The following TOP1 variants were observed in gnomAD, a reference collection of about 807,000 sequenced individuals.
TOP1 encodes DNA topoisomerase 1.
In TOP1, 10 loss-of-function variants were observed where a neutral mutation model predicts 111.1. That is an observed-to-expected ratio of 0.09 (90% confidence interval 0.06 to 0.15). The LOEUF (loss-of-function observed/expected upper bound fraction) is 0.15. TOP1 is among the 10% of genes least tolerant of loss of function. The pLI is 1.00. For missense variants in TOP1, 474 were observed against 926.7 expected (o/e 0.51, Z 6.34); for synonymous variants, 271 against 302.9 (o/e 0.89, Z 1.10).
At chr20:41,074,696 T>C (rs1346573721) in intron 3 of TOP1, among the ~76,000 whole-genome samples, 2 of 152,216 alleles carry the variant, frequency 1.3e-5, no homozygotes, top group Non-Finnish European at 2.9e-5. Context: ...CATGCCATCA[T>C]TTGTTTCTCC....
At chr20:41,072,276 A>G (rs573097825) in intron 3 of TOP1, 2 of 984,650 alleles carry the variant, frequency 2.0e-6, no homozygotes, top group African/African-American at 1.8e-5. Context: ...TAGCAGGATC[A>G]GTATGAAGAT....
Position 41,122,762 on chromosome 20 carries a change from C to G in TOP1, c.2196-433C>G, listed in dbSNP as rs1040947240. ...CCCCTATGGCACTTGCTAGTCCGGG[C>G]TAAAGTTTCCATCTAGGTCTTTTGT... On this transcript the variant is annotated intron_variant, in intron 20 of 20. Transcript: ENST00000361337. The surrounding 1 kb of genome is among the most constrained non-coding windows in gnomAD (Gnocchi z 5.4). 6.6e-6 allele frequency among the ~76,000 whole-genome samples: 1 copy of G among 152,202 alleles called. No individual in the cohort carries two copies. Among genetic ancestry groups the G allele is most frequent in the Non-Finnish European group, 1.5e-5 (1 of 68,028 alleles).
intron 2 of TOP1, among the ~76,000 whole-genome samples, chr20:41,045,402 T>C (rs1027079784): frequency 6.6e-6 from 1 of 152,166 alleles, no homozygotes; most frequent in African/African-American, 2.4e-5. Flanking sequence ...CTAAGAGGAC[T>C]TACAACTGGT....
intron 2 of TOP1, among the ~76,000 whole-genome samples, chr20:41,060,326 G>T (rs973365684): frequency 1.3e-5 from 2 of 152,154 alleles, no homozygotes; most frequent in Non-Finnish European, 1.5e-5. Context: ...CAATAAAATG[G>T]AACCAACAAC....
In TOP1 at chr20:41,061,758, A is replaced by G. The variant is rs2145927180; in HGVS notation, c.155+268A>G. ...AATACAGTTGTTCACTAAGATAGGT[A>G]AGGATTCATTGTGACACATGATGGC... On this transcript the variant is annotated intron_variant, in intron 3 of 20. Coordinates refer to ENST00000361337, the MANE Select transcript of TOP1 (RefSeq NM_003286.4). The surrounding 1 kb of genome is among the most constrained non-coding windows in gnomAD (Gnocchi z 4.6). Among the ~76,000 whole-genome samples, 1 of 152,188 alleles carries G rather than the reference A, an allele frequency of 6.6e-6. No homozygotes were observed. The highest frequency in any genetic ancestry group is 1.9e-4 in the East Asian group (1 of 5,200).
In TOP1 at chr20:41,121,851, G is replaced by C; in HGVS notation, c.2045+61G>C. ...GAGAAAAGTGTGCAGCATCTGTCAG[G>C]GCCCCTGGGGCCCTGGCTTTTCGAT... On this transcript the variant is annotated intron_variant, in intron 19 of 20. Transcript: ENST00000361337. The surrounding 1 kb of genome is among the most constrained non-coding windows in gnomAD (Gnocchi z 4.2). 6.4e-7 allele frequency: 1 copy of C among 1,561,990 alleles called. No individual in the cohort carries two copies. The highest frequency in any genetic ancestry group is 8.8e-7 in the Non-Finnish European group (1 of 1,138,844).
rs202064792 is a variant in TOP1, at chr20:41,112,958, G to A, written c.1452+33G>A. The A allele has an allele frequency of 1.9e-6, 3 of 1,604,278 alleles. No homozygotes were observed. Among genetic ancestry groups the A allele is most frequent in the Non-Finnish European group, 2.6e-6 (3 of 1,174,352 alleles). On this transcript the variant is annotated intron_variant, in intron 14 of 20. Coordinates refer to ENST00000361337, the MANE Select transcript of TOP1 (RefSeq NM_003286.4). This position sits in a 1 kb window ranked among gnomAD's most constrained non-coding sequence, Gnocchi z 5.8. ...CATCTTCCCATCGGCATTGTCTAGT[G>A]TTGAGCTTAACAAAGGGAGTTTCTG...
chr20:41,065,775 C>T (rs1417125901), intron 3 of TOP1, among the ~76,000 whole-genome samples: 1 of 151,912 alleles, frequency 6.6e-6, no homozygotes, highest in Non-Finnish European at 1.5e-5. Flanking sequence ...CCATTGTATG[C>T]CTGTAATCAC....
chr20:41,074,062 C>A (rs2033697461), intron 3 of TOP1, among the ~76,000 whole-genome samples: 1 of 152,148 alleles, frequency 6.6e-6, no homozygotes, highest in African/African-American at 2.4e-5. Flanking sequence ...CCTGTGATTA[C>A]CTATACATTA....
In TOP1 at chr20:41,116,252, TAA is replaced by T; in HGVS notation, c.1708-24_1708-23del. On this transcript the variant is annotated intron_variant, in intron 16 of 20. Transcript: ENST00000361337. This position sits in a 1 kb window ranked among gnomAD's most constrained non-coding sequence, Gnocchi z 5.6. ...AGGAGCAGGTAGTATAGCTTTGACC[TAA>T]ATCTGTTGCTTTGTCTCCTCCAGAC... 6.5e-7 allele frequency: 1 copy of T among 1,545,266 alleles called. No individual in the cohort carries two copies. Among genetic ancestry groups the T allele is most frequent in the Non-Finnish European group, 8.9e-7 (1 of 1,119,266 alleles).
In TOP1 at chr20:41,034,578, A is replaced by G. The variant is rs1281139048; in HGVS notation, c.58+5123A>G. 6.6e-6 allele frequency among the ~76,000 whole-genome samples: 1 copy of G among 152,138 alleles called. No homozygotes were observed. The highest frequency in any genetic ancestry group is 1.5e-5 in the Non-Finnish European group (1 of 68,018). Reference sequence around the variant, plus strand: ...GGAATGTCTGTTAGATATTGATGGTATTTTGGTGGCGTTATGAGAAATGGC... The same window carrying G: ...GGAATGTCTGTTAGATATTGATGGTGTTTTGGTGGCGTTATGAGAAATGGC... On this transcript the variant is annotated intron_variant, in intron 2 of 20. Coordinates refer to ENST00000361337, the MANE Select transcript of TOP1 (RefSeq NM_003286.4). This position sits in a 1 kb window ranked among gnomAD's most constrained non-coding sequence, Gnocchi z 4.0.
At position 41,067,904 on chromosome 20, in the gene TOP1, G is replaced by T. The variant is rs1339080625; in HGVS notation, c.155+6414G>T. 6.6e-6 allele frequency among the ~76,000 whole-genome samples: 1 copy of T among 152,206 alleles called. No homozygotes were observed. Among genetic ancestry groups the T allele is most frequent in the African/African-American group, 2.4e-5 (1 of 41,458 alleles). The stretch of plus-strand genomic sequence containing the variant: ...TCCTCATGCAAGGTGCAAAACAAGG[G>T]AGTAGGTATTAAGAATCATTTCATC... On this transcript the variant is annotated intron_variant, in intron 3 of 20. Coordinates refer to ENST00000361337, the MANE Select transcript of TOP1 (RefSeq NM_003286.4). The surrounding 1 kb of genome is among the most constrained non-coding windows in gnomAD (Gnocchi z 4.0).
In TOP1 at chr20:41,118,071, G is replaced by A. The variant is rs2145970134; in HGVS notation, c.1823-98G>A. ...AATCATCTGAGTAAGATAAGAGCCA[G>A]CAAAATCATGGGGACGAGGCACTGG... On this transcript the variant is annotated intron_variant, in intron 17 of 20. Coordinates refer to ENST00000361337, the MANE Select transcript of TOP1 (RefSeq NM_003286.4). This position sits in a 1 kb window ranked among gnomAD's most constrained non-coding sequence, Gnocchi z 4.6. 2.2e-6 allele frequency: 3 copies of A among 1,368,928 alleles called. No individual in the cohort carries two copies. The highest frequency in any genetic ancestry group is 2.0e-6 in the Non-Finnish European group (2 of 1,014,548). 84.8% of individuals were successfully genotyped at this position (1,368,928 alleles called of 1,614,324 possible). A position where few individuals can be genotyped will look rare whatever the true frequency, so the allele number is the denominator to read the frequency against.
rs6093442 is a variant in TOP1, at chr20:41,110,231, G to C, written c.1309-2551G>C. ...ACCTGAGGGGTAGAGGTTGCACTGAGCCGAGATTGCATCACTGTACTCCAG... is the reference window on the plus strand; with the variant it reads ...ACCTGAGGGGTAGAGGTTGCACTGACCCGAGATTGCATCACTGTACTCCAG... On this transcript the variant is annotated intron_variant, in intron 13 of 20. Transcript: ENST00000361337. The surrounding 1 kb of genome is among the most constrained non-coding windows in gnomAD (Gnocchi z 4.2). Among the ~76,000 whole-genome samples, 3,137 of 152,264 alleles carry C rather than the reference G, an allele frequency of 0.021. 100 individuals carry two copies. The highest frequency in any genetic ancestry group is 0.071 in the African/African-American group (2,938 of 41,530).
chr20:41,101,962 A>G lies in TOP1; in HGVS notation c.1308+609A>G, dbSNP rs1053131845. ...CAAGGAGATAACTGCCTTGGGGGAAATCAGTTTTTGTTTGCCAGATAGCTA... is the reference window on the plus strand; with the variant it reads ...CAAGGAGATAACTGCCTTGGGGGAAGTCAGTTTTTGTTTGCCAGATAGCTA... On this transcript the variant is annotated intron_variant, in intron 13 of 20. Transcript: ENST00000361337. The surrounding 1 kb of genome is among the most constrained non-coding windows in gnomAD (Gnocchi z 4.1). Among the ~76,000 whole-genome samples, 2 of 152,218 alleles carry G rather than the reference A, an allele frequency of 1.3e-5. No homozygotes were observed. Among genetic ancestry groups the G allele is most frequent in the Admixed American group, 6.5e-5 (1 of 15,286 alleles).
At position 41,100,263 on chromosome 20, in the gene TOP1, T is replaced by A; in HGVS notation, c.1163+20T>A. 1 of 1,598,602 alleles carries A rather than the reference T, an allele frequency of 6.3e-7. No homozygotes were observed. The highest frequency in any genetic ancestry group is 8.5e-7 in the Non-Finnish European group (1 of 1,171,278). On this transcript the variant is annotated intron_variant, in intron 12 of 20. Transcript: ENST00000361337. The surrounding 1 kb of genome is among the most constrained non-coding windows in gnomAD (Gnocchi z 4.4). ...TAGCAAGTGAGCTCGCACTTCATCC[T>A]ATGGGCCAAAAAGGGGGTGGAGGGC...
chr20:41,042,861 T>C (rs189975309), intron 2 of TOP1, among the ~76,000 whole-genome samples: 1 of 152,332 alleles, frequency 6.6e-6, no homozygotes, highest in East Asian at 1.9e-4. Context: ...AAAGGAAATA[T>C]TAAGAAAATT....
chr20:41,043,248 C>G (rs960333856), intron 2 of TOP1, among the ~76,000 whole-genome samples: 1 of 152,186 alleles, frequency 6.6e-6, no homozygotes, highest in Non-Finnish European at 1.5e-5. Context: ...ACTGAAGTTT[C>G]AGAACCAATA....
intron 8 of TOP1, among the ~76,000 whole-genome samples, chr20:41,091,706 G>A (rs796222767): frequency 3.1e-4 from 47 of 151,824 alleles, no homozygotes; most frequent in African/African-American, 1.1e-3. Flanking sequence ...ACAGGTGCGC[G>A]CCACCATGCC....
Sources: gnomAD v4.1 joint callset for allele counts (sites outside exome capture counted in the v4.1 genomes callset) on GRCh38, gnomAD v4.1.1 for gene constraint, Gnocchi (gnomAD v3.1) non-coding constraint, MANE v1.5 for transcripts, NCBI Gene and HGNC (gene_info 2026-07-23, HGNC 2026-07-21) for gene names.